The following DOT1L variants were observed in gnomAD, a reference collection of about 807,000 sequenced individuals.
The protein encoded by DOT1L is histone-lysine N-methyltransferase, H3 lysine-79 specific.
A neutral mutation model predicts 153.3 loss-of-function variants in DOT1L; 33 were observed. That is an observed-to-expected ratio of 0.22 (90% CI 0.16 to 0.29). DOT1L has a LOEUF of 0.29. Among genes scored for constraint, DOT1L ranks in the 10% least tolerant of loss-of-function variants. DOT1L has a pLI of 1.00. For synonymous variants in DOT1L, 1,135 were observed against 965.1 expected, an observed-to-expected ratio of 1.18 and a Z score of -3.26; for missense variants, 1,847 against 2,119.9, an observed-to-expected ratio of 0.87 and a Z score of 2.53.
chr19:2,177,508 GTAA>G (rs1436059905), intron 1 of DOT1L, among the ~76,000 whole-genome samples: 5 of 152,104 alleles, frequency 3.3e-5, no homozygotes, highest in Middle Eastern at 3.4e-3. Flanking sequence ...ATTATTAGTG[GTAA>G]TAATTTTTGT....
intron 3 of DOT1L, 54 bp downstream of exon 3, chr19:2,185,983 G>A (rs2022488604): frequency 2.7e-6 from 4 of 1,508,656 alleles, no homozygotes; most frequent in African/African-American, 2.7e-5. Context: ...CGGCTCTTGG[G>A]GAGGACAGGA....
rs2024136692 is a variant in DOT1L, at chr19:2,222,036, T to A, written c.2867T>A (p.Leu956His). The A allele has an allele frequency of 6.2e-7, 1 of 1,612,680 alleles. No homozygotes were observed. The highest frequency in any genetic ancestry group is 8.5e-7 in the Non-Finnish European group (1 of 1,179,804). ...SGALAGSPAS[L>H]TPGAEPATLD... The stretch of plus-strand genomic sequence containing the variant: ...GCCTTGGCGGGCAGCCCGGCCTCTC[T>A]CACACCTGGAGCCGAGCCGGCCACC... The change falls in exon 24 of 28, where the codon CTC becomes CAC. Residue 956 changes from leucine (L) to histidine (H), a missense_variant. Leu to His is a moderately conservative substitution (Grantham distance 99, BLOSUM62 -3). Transcript: ENST00000398665. The surrounding 1 kb of genome is among the most constrained non-coding windows in gnomAD (Gnocchi z 6.5).
chr19:2,204,546 C>T lies in DOT1L; in HGVS notation c.787+1767C>T, dbSNP rs111291443. 0.015 allele frequency among the ~76,000 whole-genome samples: 2,281 copies of T among 152,300 alleles called. 47 individuals are homozygous for T. Among genetic ancestry groups the T allele is most frequent in the African/African-American group, 0.051 (2,113 of 41,558 alleles). On this transcript the variant is annotated intron_variant, in intron 9 of 27. Coordinates refer to ENST00000398665, the MANE Select transcript of DOT1L (RefSeq NM_032482.3). This position sits in a 1 kb window ranked among gnomAD's most constrained non-coding sequence, Gnocchi z 5.7. ...TGTCACCCCCTCCATGGTCCTCGTA[C>T]CCGCTGCCCTAGAACGCCTCTTCTG...
rs540929205 is a variant in DOT1L, at chr19:2,232,285, T to G, written c.*2493T>G. 38 of 201,804 alleles carry G rather than the reference T, an allele frequency of 1.9e-4. No individual in the cohort carries two copies. Among genetic ancestry groups the G allele is most frequent in the Non-Finnish European group, 3.2e-4 (32 of 98,678 alleles). The allele number at this position is 201,804 out of a possible 1,614,324, so 12.5% of individuals were successfully genotyped here. A position where few individuals can be genotyped will look rare whatever the true frequency, so the allele number is the denominator to read the frequency against. ...AGTGACTTATTTAAGACTTCCCCCT[T>G]AATTTATCTGCCCCCAGGATGCGTC... On this transcript the variant is annotated 3_prime_UTR_variant, in exon 28 of 28. Transcript: ENST00000398665.
intron 1 of DOT1L, among the ~76,000 whole-genome samples, chr19:2,174,129 G>A (rs191269664): frequency 6.6e-6 from 1 of 152,348 alleles, no homozygotes; most frequent in Non-Finnish European, 1.5e-5. Flanking sequence ...AGCCAGCTGG[G>A]GCTGTTGCAC....
rs892087333 is a variant in DOT1L, at chr19:2,164,008, C to A, written c.-177C>A. 2 of 235,304 alleles carry A rather than the reference C, an allele frequency of 8.5e-6. No individual in the cohort carries two copies. The highest frequency in any genetic ancestry group is 1.5e-4 in the South Asian group (1 of 6,646). The allele number at this position is 235,304 out of a possible 1,614,324, so 14.6% of individuals were successfully genotyped here. A position where few individuals can be genotyped will look rare whatever the true frequency, so the allele number is the denominator to read the frequency against. On this transcript the variant is annotated 5_prime_UTR_variant, in exon 1 of 28. Transcript: ENST00000398665. Reference sequence around the variant, plus strand: ...GGGCCTGTGACTACAAAGAGGGAGTCGGGGGCCGGGCCGGACCGGAGCGCG... The same window carrying A: ...GGGCCTGTGACTACAAAGAGGGAGTAGGGGGCCGGGCCGGACCGGAGCGCG...
Position 2,189,823 on chromosome 19 carries a change from G to T in DOT1L, c.264+28G>T, listed in dbSNP as rs775148921. On this transcript the variant is annotated intron_variant, in intron 4 of 27. Transcript: ENST00000398665. ...AGGTGGCTTGCCCCTGCCCAGAGGG[G>T]GTTAGTAGTGCCAGGCTCCCGGACC... 2.5e-6 allele frequency: 4 copies of T among 1,610,314 alleles called. No homozygotes were observed. The East Asian group carries it at 8.9e-5, about 36-fold the overall frequency.
intron 5 of DOT1L, among the ~76,000 whole-genome samples, chr19:2,192,803 G>C (rs2022853196): frequency 6.6e-6 from 1 of 152,148 alleles, no homozygotes. Flanking sequence ...AGTGAGCCAG[G>C]ATCACACCAC....
In DOT1L at chr19:2,189,813, G is replaced by T; in HGVS notation, c.264+18G>T. ...ACCAGCTGGTAGGTGGCTTGCCCCT[G>T]CCCAGAGGGGGTTAGTAGTGCCAGG... On this transcript the variant is annotated intron_variant, in intron 4 of 27. Coordinates refer to ENST00000398665, the MANE Select transcript of DOT1L (RefSeq NM_032482.3). The T allele has an allele frequency of 6.2e-7, 1 of 1,611,038 alleles. No individual in the cohort carries two copies.
intron 25 of DOT1L, 150 bp downstream of exon 25, chr19:2,223,636 GCCT>G: frequency 1.0e-6 from 1 of 1,001,242 alleles, no homozygotes; most frequent in Non-Finnish European, 1.4e-6. Context: ...TTTGTGAGGG[GCCT>G]CCCCACAGGT....
rs1332247019 is a variant in DOT1L, at chr19:2,226,618, C to T, written c.4097C>T (p.Pro1366Leu). 2 of 1,595,556 alleles carry T rather than the reference C, an allele frequency of 1.3e-6. No homozygotes were observed. Among genetic ancestry groups the T allele is most frequent in the East Asian group, 2.2e-5 (1 of 44,454 alleles). The change falls in exon 27 of 28, where the codon CCT (proline) becomes CTT (leucine). Residue 1366 changes from proline to leucine, a missense_variant. Coordinates refer to ENST00000398665, the MANE Select transcript of DOT1L (RefSeq NM_032482.3). ...GGCAAGGAGGGCTCGGACGCCAACC[C>T]TTTCCTGAGCAAGAGGCAGCTGGAC... ...QRGKEGSDANPFLSKRQLDGL... is the reference protein window; with the variant it reads ...QRGKEGSDANLFLSKRQLDGL...
Position 2,213,616 on chromosome 19 carries a change from G to T in DOT1L, c.1635G>T (p.Arg545Ser). 6.2e-7 allele frequency: 1 copy of T among 1,613,800 alleles called. No individual in the cohort carries two copies. The highest frequency in any genetic ancestry group is 8.5e-7 in the Non-Finnish European group (1 of 1,180,002). Reference protein sequence around the residue: ...HCQAQKEEIRRLFQQKLDELG... With the variant: ...HCQAQKEEIRSLFQQKLDELG... ...AGGCCCAGAAGGAGGAGATCAGGAGGCTGTTTCAGCAAAAATTGGATGAGG... is the reference window on the plus strand; with the variant it reads ...AGGCCCAGAAGGAGGAGATCAGGAGTCTGTTTCAGCAAAAATTGGATGAGG... Residue 545 changes from arginine (R) to serine (S), a missense_variant, in exon 17 of 28, where the codon AGG becomes AGT. By Grantham distance (110) the Arg-to-Ser change is moderately radical. This residue lies in a region of DOT1L where 156 missense variants were observed against 235.7 expected (regional missense o/e 0.66). Transcript: ENST00000398665.
chr19:2,213,518 C>A (rs779339870), intron 16 of DOT1L, 21 bp from the exon 17 acceptor site: 1 of 1,611,050 alleles, frequency 6.2e-7, no homozygotes, highest in Admixed American at 1.7e-5. Context: ...CCCTTAGTCA[C>A]CTGCCCTGTT....
At chr19:2,229,728 G>A (rs1448785647) in intron 27 of DOT1L, 57 bp from the exon 28 acceptor site, 14 of 1,611,276 alleles carry the variant, frequency 8.7e-6, no homozygotes, top group Non-Finnish European at 1.2e-5. Flanking sequence ...TGAGTGTTGG[G>A]CTCCCCCAGG....
chr19:2,222,763 G>C lies in DOT1L; in HGVS notation c.3390+204G>C, dbSNP rs1175905565. ...AAAATACAAAAGATTAGCCGGGCGT[G>C]GTGGCGGGTGCCTGGGAGGCTGAGG... On this transcript the variant is annotated intron_variant, in intron 24 of 27. Transcript: ENST00000398665. The surrounding 1 kb of genome is among the most constrained non-coding windows in gnomAD (Gnocchi z 6.5). 1.7e-6 allele frequency: 1 copy of C among 582,558 alleles called. No individual in the cohort carries two copies. The highest frequency in any genetic ancestry group is 1.9e-5 in the African/African-American group (1 of 53,098). 36.1% of individuals were successfully genotyped at this position (582,558 alleles called of 1,614,324 possible). A position where few individuals can be genotyped will look rare whatever the true frequency, so the allele number is the denominator to read the frequency against.
intron 22 of DOT1L, 132 bp downstream of exon 22, chr19:2,218,050 G>C: frequency 1.5e-6 from 2 of 1,350,542 alleles, no homozygotes; most frequent in Non-Finnish European, 1.0e-6. Context: ...AGTCAAGGTG[G>C]GCTGTCCAAA....
At position 2,194,670 on chromosome 19, in the gene DOT1L, C is replaced by T. The variant is rs112667888; in HGVS notation, c.651+93C>T. 1,183 of 1,485,458 alleles carry T rather than the reference C, an allele frequency of 8.0e-4. 16 individuals carry two copies. The highest frequency in any genetic ancestry group is 7.1e-3 in the South Asian group (617 of 86,646). 92.0% of individuals were successfully genotyped at this position (1,485,458 alleles called of 1,614,324 possible). On this transcript the variant is annotated intron_variant, in intron 7 of 27. Transcript: ENST00000398665. ...CCCTCCTTTCTTGCCGATGTTGGCACATGGCTGTTGGCACATGGTGTGCCC... is the reference window on the plus strand; with the variant it reads ...CCCTCCTTTCTTGCCGATGTTGGCATATGGCTGTTGGCACATGGTGTGCCC...
chr19:2,168,834 T>C (rs1476650379), intron 1 of DOT1L, among the ~76,000 whole-genome samples: 1 of 152,198 alleles, frequency 6.6e-6, no homozygotes, highest in Non-Finnish European at 1.5e-5. Flanking sequence ...CAGGCTGGTC[T>C]CGAACTCCTG....
At position 2,191,209 on chromosome 19, in the gene DOT1L, C is replaced by T. The variant is rs756501559; in HGVS notation, c.462C>T (p.Thr154=). The change falls in exon 5 of 28, where the codon ACC becomes ACT. Residue 154 remains threonine, a synonymous_variant. Transcript: ENST00000398665. This position sits in a 1 kb window ranked among gnomAD's most constrained non-coding sequence, Gnocchi z 6.8. The part of the protein sequence containing the change: ...VAQMIDEIKM[T]DDDLFVDLGS... ...AGATGATTGATGAGATCAAGATGAC[C>T]GACGACGACCTGTTTGTGGACTTGG... The T allele has an allele frequency of 1.1e-5, 17 of 1,613,850 alleles. No individual in the cohort carries two copies. Among genetic ancestry groups the T allele is most frequent in the East Asian group, 2.2e-5 (1 of 44,844 alleles).
Sources: allele counts gnomAD v4.1 joint callset (sites outside exome capture counted in the v4.1 genomes callset), GRCh38; gene constraint gnomAD v4.1.1; regional missense constraint gnomAD v4.1.1; non-coding constraint Gnocchi (gnomAD v3.1); transcripts MANE v1.5; gene names NCBI Gene and HGNC (gene_info 2026-07-23, HGNC 2026-07-21).